Variants in TBL1X observed in about 807,000 individuals in gnomAD.
TBL1X encodes transducin beta like 1 X-linked.
In TBL1X, 10 loss-of-function variants were observed where a neutral mutation model predicts 50.7. The observed-to-expected ratio is 0.20, with a 90% CI of 0.12 to 0.33. The LOEUF (loss-of-function observed/expected upper bound fraction) is 0.33. TBL1X is among the 10% of genes least tolerant of loss of function. TBL1X has a pLI of 1.00. For synonymous variants in TBL1X, 190 were observed against 214.7 expected (o/e 0.88, Z 1.01); for missense variants, 340 against 504.4 (o/e 0.67, Z 3.12).
intron 2 of TBL1X, among the ~76,000 whole-genome samples, chrX:9,598,607 A>G (rs752651277): frequency 3.0e-4 from 34 of 112,274 alleles, no homozygotes; most frequent in Non-Finnish European, 5.6e-4. Context: ...CAGTGAAGAA[A>G]GAGGAAGGCA....
intron 2 of TBL1X, among the ~76,000 whole-genome samples, chrX:9,633,684 TAAA>T (rs939427671): frequency 8.9e-6 from 1 of 112,334 alleles, no homozygotes; most frequent in Non-Finnish European, 1.9e-5. Flanking sequence ...TGCAGAGTCT[TAAA>T]AAAATACACA....
chrX:9,531,357 GTGTGTGTGTGTGTGT>G (rs2082159722), intron 2 of TBL1X, among the ~76,000 whole-genome samples: 2 of 68,967 alleles, frequency 2.9e-5, no homozygotes, highest in Non-Finnish European at 5.2e-5. Flanking sequence ...CCTGGAGGGT[GTGTGTGTGTGTGTGT>G]GTGTGTGTGT....
chrX:9,492,764 A>AT (rs2081950807), intron 1 of TBL1X, among the ~76,000 whole-genome samples: 1 of 108,504 alleles, frequency 9.2e-6, no homozygotes, highest in Admixed American at 1.0e-4. Context: ...TTGTTGATTG[A>AT]TTCATGGCAC....
intron 2 of TBL1X, among the ~76,000 whole-genome samples, chrX:9,505,170 A>G (rs186474035): frequency 0.017 from 1,926 of 112,025 alleles, 24 homozygotes; most frequent in Non-Finnish European, 0.029. Flanking sequence ...ATTCTTAAAG[A>G]AAAGAATTTT....
chrX:9,564,506 G>T (rs1296218699), intron 2 of TBL1X, among the ~76,000 whole-genome samples: 1 of 110,835 alleles, frequency 9.0e-6, no homozygotes, highest in Admixed American at 9.6e-5. Context: ...GGGCCCAGGT[G>T]GACAGATCAC....
rs758437736 is a variant in TBL1X, at chrX:9,620,027, G to A, written c.-130-20246G>A. ...GTGTGTCAGACTAACTCAGTTGTAA[G>A]CTCTACATTATGGTGCTATTAATCT... On this transcript the variant is annotated intron_variant, in intron 2 of 17. Coordinates refer to ENST00000645353, the MANE Select transcript of TBL1X (RefSeq NM_005647.4). Among the ~76,000 whole-genome samples, 25 of 112,415 alleles carry A rather than the reference G, an allele frequency of 2.2e-4. 1 individual carries two copies. Among genetic ancestry groups the A allele is most frequent in the African/African-American group, 6.1e-4 (19 of 30,938 alleles).
intron 1 of TBL1X, among the ~76,000 whole-genome samples, chrX:9,500,591 C>T (rs1189768219): frequency 2.7e-5 from 3 of 111,909 alleles, no homozygotes; most frequent in Non-Finnish European, 5.6e-5. Context: ...AGCAAGACTC[C>T]GTCTCAAACA....
intron 2 of TBL1X, among the ~76,000 whole-genome samples, chrX:9,575,106 C>T (rs1431946719): frequency 9.0e-6 from 1 of 111,491 alleles, no homozygotes; most frequent in Admixed American, 9.5e-5. Context: ...GCAGTCATGG[C>T]AGAAGGCGAA....
chrX:9,613,445 C>A (rs778426098), intron 2 of TBL1X, among the ~76,000 whole-genome samples: 13 of 111,391 alleles, frequency 1.2e-4, no homozygotes, highest in Non-Finnish European at 2.3e-4. Context: ...ATGTTGGGAA[C>A]CATGTGGGTG....
chrX:9,610,261 T>G (rs1434301097), intron 2 of TBL1X, among the ~76,000 whole-genome samples: 1 of 112,652 alleles, frequency 8.9e-6, no homozygotes, highest in East Asian at 2.8e-4. Flanking sequence ...GCTCCTCTCC[T>G]GTTTCCTGGT....
At chrX:9,698,530 T>A (rs1876074509) in intron 12 of TBL1X, among the ~76,000 whole-genome samples, 1 of 111,810 alleles carries the variant, frequency 8.9e-6, no homozygotes, top group Admixed American at 9.5e-5. Context: ...CTGTGAAGTG[T>A]TTTATACCAG....
intron 2 of TBL1X, among the ~76,000 whole-genome samples, chrX:9,586,298 T>C (rs2082469410): frequency 8.9e-6 from 1 of 112,559 alleles, no homozygotes; most frequent in Admixed American, 9.4e-5. Context: ...CACAATGGAA[T>C]AGTATTCGGC....
intron 3 of TBL1X, among the ~76,000 whole-genome samples, chrX:9,642,420 G>A (rs1240954752): frequency 1.8e-5 from 2 of 112,059 alleles, no homozygotes; most frequent in African/African-American, 3.2e-5. Flanking sequence ...GTCTCAGAAA[G>A]TGAGGGCTTC....
chrX:9,581,659 C>A (rs2147021855), intron 2 of TBL1X, among the ~76,000 whole-genome samples: 1 of 112,118 alleles, frequency 8.9e-6, no homozygotes, highest in African/African-American at 3.2e-5. Flanking sequence ...CATAAGAAAC[C>A]CATTCTAGGG....
At chrX:9,623,809 A>C (rs1343761675) in intron 2 of TBL1X, among the ~76,000 whole-genome samples, 2 of 112,373 alleles carry the variant, frequency 1.8e-5, no homozygotes, top group Non-Finnish European at 3.8e-5. Context: ...GGGTCTGAGT[A>C]GGTGCATCAA....
At chrX:9,684,480 G>A (rs1192983572) in intron 6 of TBL1X, among the ~76,000 whole-genome samples, 3 of 108,064 alleles carry the variant, frequency 2.8e-5, no homozygotes, top group Non-Finnish European at 5.7e-5. Context: ...CCCAGCTCTC[G>A]GGAGGCTGAG....
At chrX:9,509,017 A>G in intron 2 of TBL1X, among the ~76,000 whole-genome samples, 1 of 109,926 alleles carries the variant, frequency 9.1e-6, no homozygotes, top group Non-Finnish European at 1.9e-5. Context: ...GCAGCAAACC[A>G]CCATGACACA....
chrX:9,609,411 G>GGTGTGT lies in TBL1X; in HGVS notation c.-130-30845_-130-30840dup, dbSNP rs749352901. Among the ~76,000 whole-genome samples the GGTGTGT allele has an allele frequency of 3.2e-3, 313 of 97,811 alleles. 1 individual carries two copies. The highest frequency in any genetic ancestry group is 0.011 in the African/African-American group (296 of 26,359). The allele number at this position is 97,811 out of a possible 115,157, so 84.9% of individuals were successfully genotyped here. ...TTTGGTGTGTTTTCTTCCAGGTAGG[G>GGTGTGT]GTGTGTGTGTGTGTGTGTGTGTCCT... On this transcript the variant is annotated intron_variant, in intron 2 of 17. Transcript: ENST00000645353.
Position 9,715,011 on chromosome X carries a change from A to AC in TBL1X, c.1707+9dup, listed in dbSNP as rs773225480. 2 of 1,206,189 alleles carry AC rather than the reference A, an allele frequency of 1.7e-6. No homozygotes were observed. The highest frequency in any genetic ancestry group is 2.2e-6 in the Non-Finnish European group (2 of 891,949). ...AGCGCGTCCGACGGCTCTGTAAGCAACACCTCTGGTTTGCTGGGGAGTGGG... is the reference window on the plus strand; with the variant it reads ...AGCGCGTCCGACGGCTCTGTAAGCAACCACCTCTGGTTTGCTGGGGAGTGGG... On this transcript the variant is annotated intron_variant, in intron 17 of 17. Transcript: ENST00000645353.
Sources: gnomAD v4.1 joint callset for allele counts (sites outside exome capture counted in the v4.1 genomes callset) on GRCh38, gnomAD v4.1.1 for gene constraint, MANE v1.5 for transcripts, NCBI Gene and HGNC (gene_info 2026-07-23, HGNC 2026-07-21) for gene names.